Variants in NUDT12 observed in about 807,000 individuals in gnomAD.
NUDT12 encodes the protein NAD-capped RNA hydrolase NUDT12.
Under a neutral mutation model 45.7 loss-of-function variants are expected in NUDT12, and 42 were observed. That is an observed-to-expected ratio of 0.92 (90% CI 0.72 to 1.19). NUDT12 has a LOEUF of 1.19. NUDT12 is among the 50% of genes most tolerant of loss of function. The pLI, the probability that NUDT12 is intolerant of heterozygous loss-of-function variation, is 0.00. For missense variants in NUDT12, 590 were observed against 533.1 expected, an observed-to-expected ratio of 1.11 and a Z score of -1.05; for synonymous variants, 206 against 179.7, an observed-to-expected ratio of 1.15 and a Z score of -1.17.
In NUDT12 at chr5:103,562,245, G is replaced by A. The variant is rs555639295; in HGVS notation, c.-7+458C>T. ...CCGCATGCTCACACAGACCGAATGG[G>A]ACAGGACAGGACCTTAAATATCGCT... On this transcript the variant is annotated intron_variant, in intron 1 of 6. Transcript: ENST00000230792. Among the ~76,000 whole-genome samples, 6 of 152,126 alleles carry A rather than the reference G, an allele frequency of 3.9e-5. No individual in the cohort carries two copies. The South Asian group carries it at 6.2e-4, about 16-fold the overall frequency.
At chr5:103,561,592 C>CAT (rs1749034413) in intron 1 of NUDT12, among the ~76,000 whole-genome samples, 1 of 152,154 alleles carries the variant, frequency 6.6e-6, no homozygotes, top group Non-Finnish European at 1.5e-5. Flanking sequence ...TTTCTACATA[C>CAT]GTTAAAAATA....
Position 103,555,944 on chromosome 5 carries a change from T to G in NUDT12, c.951A>C (p.Ser317=). ...TAAAGGGCTTACCAACTCTTGGGTA[T>G]GAGGTATTATGGACGCCATTGAGAC... ...CPSLNGVHNT[S]YPRVDPVVIM... is the part of the protein sequence containing the mutation. The change falls in exon 4 of 7, where the codon TCA becomes TCC. Residue 317 remains serine (S), a synonymous_variant. Coordinates refer to ENST00000230792, the MANE Select transcript of NUDT12 (RefSeq NM_031438.4). 2 of 1,583,704 alleles carry G rather than the reference T, an allele frequency of 1.3e-6. No homozygotes were observed. Among genetic ancestry groups the G allele is most frequent in the Non-Finnish European group, 1.7e-6 (2 of 1,165,198 alleles).
rs779297286 is a variant in NUDT12 at position 103,552,356 on chromosome 5, C to A, written c.1139G>T (p.Gly380Val). Residue 380 changes from glycine (G) to valine (V), a missense_variant, in exon 6 of 7, where the codon GGC becomes GTC. By Grantham distance (109) the Gly-to-Val change is moderately radical. Transcript: ENST00000230792. ...EVEEESGVKV[G>V]HVQYVACQPW... ...TTGACAAGCAACATACTGAACATGG[C>A]CAACTTTGACTCCACTTTCCTCTTC... 62 of 1,613,812 alleles carry A rather than the reference C, an allele frequency of 3.8e-5. No homozygotes were observed. Among genetic ancestry groups the A allele is most frequent in the Non-Finnish European group, 5.1e-5 (60 of 1,179,930 alleles).
chr5:103,560,084 C>G lies in NUDT12; in HGVS notation c.165G>C (p.Arg55Ser). 1.2e-6 allele frequency: 2 copies of G among 1,613,952 alleles called. No individual in the cohort carries two copies. Among genetic ancestry groups the G allele is most frequent in the Non-Finnish European group, 1.7e-6 (2 of 1,179,880 alleles). ...ATTGGACTATCTCTGGGTGCCCATTCCTTGCCGCATACATTAAAGCAGTCC... is the reference window on the plus strand; with the variant it reads ...ATTGGACTATCTCTGGGTGCCCATTGCTTGCCGCATACATTAAAGCAGTCC... ...NGWTALMYAA[R>S]NGHPEIVQFL... The change falls in exon 2 of 7, where the codon AGG becomes AGC. Residue 55 changes from arginine to serine, a missense_variant. Transcript: ENST00000230792.
intron 3 of NUDT12, among the ~76,000 whole-genome samples, chr5:103,557,283 A>ATATATATATATATATATT (rs1748854507): frequency 9.2e-6 from 1 of 108,266 alleles, no homozygotes; most frequent in African/African-American, 4.0e-5. Flanking sequence ...TTAAAATGAT[A>ATATATATATATATATATT]TATATATATA....
intron 1 of NUDT12, among the ~76,000 whole-genome samples, chr5:103,562,285 A>G (rs935499653): frequency 2.0e-5 from 3 of 152,162 alleles, no homozygotes; most frequent in Admixed American, 2.0e-4. Flanking sequence ...CACTGAAATC[A>G]CTGACCATCA....
chr5:103,550,864 G>C lies in NUDT12; in HGVS notation c.1386C>G (p.Leu462=). 1 of 1,597,238 alleles carries C rather than the reference G, an allele frequency of 6.3e-7. No individual in the cohort carries two copies. Among genetic ancestry groups the C allele is most frequent in the Non-Finnish European group, 8.6e-7 (1 of 1,164,978 alleles). ...IKHWIRINPN[L] ...ACTCAAAGCTTAGTTCTTAGATTTA[G>C]AGATTAGGATTTATTCTAATCCAGT... The change falls in exon 7 of 7, where the codon CTC becomes CTG. Residue 462 remains leucine, a synonymous_variant. Transcript: ENST00000230792.
rs759027029 is a variant in NUDT12, at chr5:103,554,720, A to G, written c.1078+20T>C. On this transcript the variant is annotated intron_variant, in intron 5 of 6. Transcript: ENST00000230792. Reference sequence around the variant, plus strand: ...TTTTAAAATTATAAATTAAATATAAATTATTAAGAAATGGCTTACCAGGCT... The same window carrying G: ...TTTTAAAATTATAAATTAAATATAAGTTATTAAGAAATGGCTTACCAGGCT... 4.2e-5 allele frequency: 39 copies of G among 920,392 alleles called. No individual in the cohort carries two copies. In the Admixed American group the frequency reaches 4.5e-4, roughly 11 times the overall value. 57.0% of individuals were successfully genotyped at this position (920,392 alleles called of 1,614,324 possible). A position where few individuals can be genotyped will look rare whatever the true frequency, so the allele number is the denominator to read the frequency against.
In NUDT12 at chr5:103,549,381, G is replaced by C. The variant is rs535283113; in HGVS notation, c.*1480C>G. On this transcript the variant is annotated 3_prime_UTR_variant, in exon 7 of 7. Coordinates refer to ENST00000230792, the MANE Select transcript of NUDT12 (RefSeq NM_031438.4). ...TAGTAAAATAAAGTTTTATCTGACA[G>C]TTATCTTTTATTTAAGTTAAATAAA... is the stretch of plus-strand genomic sequence containing the variant. 9 of 151,790 alleles carry C rather than the reference G, an allele frequency of 5.9e-5. No homozygotes were observed. The highest frequency in any genetic ancestry group is 1.3e-4 in the Non-Finnish European group (9 of 67,828). 9.4% of individuals were successfully genotyped at this position (151,790 alleles called of 1,614,324 possible).
Position 103,559,464 on chromosome 5 carries a change from C to T in NUDT12, c.211G>A (p.Asp71Asn), listed in dbSNP as rs774182071. Residue 71 changes from aspartate to asparagine, a missense_variant, in exon 3 of 7, where the codon GAC becomes AAC. By Grantham distance (23) the Asp-to-Asn change is conservative (BLOSUM62 1). Coordinates refer to ENST00000230792, the MANE Select transcript of NUDT12 (RefSeq NM_031438.4). ...CTTGATTTATTGACAATTGATCTGT[C>T]ACACCTATAGATGGAAGAAAAAATT... ...IVQFLLEKGCDRSIVNKSRQT... is the reference protein window; with the variant it reads ...IVQFLLEKGCNRSIVNKSRQT... 6 of 1,484,282 alleles carry T rather than the reference C, an allele frequency of 4.0e-6. No homozygotes were observed. Among genetic ancestry groups the T allele is most frequent in the East Asian group, 4.9e-5 (2 of 40,688 alleles). 91.9% of individuals were successfully genotyped at this position (1,484,282 alleles called of 1,614,324 possible). A position where few individuals can be genotyped will look rare whatever the true frequency, so the allele number is the denominator to read the frequency against.
chr5:103,559,734 T>C (rs1748970861), intron 2 of NUDT12: 3 of 484,868 alleles, frequency 6.2e-6, no homozygotes, highest in Middle Eastern at 5.3e-4. Flanking sequence ...TTATGCACTA[T>C]AAAGAGATAC....
chr5:103,562,073 G>A (rs534172300), intron 1 of NUDT12, among the ~76,000 whole-genome samples: 4 of 152,278 alleles, frequency 2.6e-5, no homozygotes, highest in Non-Finnish European at 5.9e-5. Flanking sequence ...AAGATTTGAA[G>A]GCAGAATAAA....
chr5:103,551,639 GAATAAAATTAATTTT>G (rs1340021508), intron 6 of NUDT12, among the ~76,000 whole-genome samples: 1 of 151,992 alleles, frequency 6.6e-6, no homozygotes, highest in African/African-American at 2.4e-5. Context: ...ATTAAGCATA[GAATAAAATTAATTTT>G]ATGCAGGCAA....
Position 103,552,240 on chromosome 5 carries a change from C to T in NUDT12, c.1255G>A (p.Ala419Thr). ...ACCTGTTCTCTAGTGAACCAGCGGG[C>T]ATCCTCTATTTCATTCTTGTCAACT... Reference protein sequence around the residue: ...IKVDKNEIEDARWFTREQVLD... With the variant: ...IKVDKNEIEDTRWFTREQVLD... Residue 419 changes from alanine to threonine, a missense_variant, in exon 6 of 7, where the codon GCC becomes ACC. Physicochemically the swap from Ala to Thr is moderately conservative, Grantham distance 58 (BLOSUM62 0). Coordinates refer to ENST00000230792, the MANE Select transcript of NUDT12 (RefSeq NM_031438.4). 1 of 1,613,454 alleles carries T rather than the reference C, an allele frequency of 6.2e-7. No individual in the cohort carries two copies. The highest frequency in any genetic ancestry group is 1.3e-5 in the African/African-American group (1 of 75,038).
At chr5:103,551,562 G>C (rs899168720) in intron 6 of NUDT12, among the ~76,000 whole-genome samples, 2 of 152,148 alleles carry the variant, frequency 1.3e-5, no homozygotes, top group Non-Finnish European at 2.9e-5. Context: ...TCTAAGCAAA[G>C]CCAACTTTTG....
At position 103,559,123 on chromosome 5, in the gene NUDT12, T is replaced by G; in HGVS notation, c.552A>C (p.Ile184=). 6.2e-7 allele frequency: 1 copy of G among 1,600,720 alleles called. No individual in the cohort carries two copies. The highest frequency in any genetic ancestry group is 8.5e-7 in the Non-Finnish European group (1 of 1,174,502). The change falls in exon 3 of 7, where the codon ATA becomes ATC. Residue 184 remains isoleucine (I), a synonymous_variant. Coordinates refer to ENST00000230792, the MANE Select transcript of NUDT12 (RefSeq NM_031438.4). Reference sequence around the variant, plus strand: ...TCTCAGGCTGGGCCAAATAATCCTTTATATCTGTGTAGTTCAGCTGACAAA... The same window carrying G: ...TCTCAGGCTGGGCCAAATAATCCTTGATATCTGTGTAGTTCAGCTGACAAA... ...VRLCQLNYTD[I]KDYLAQPEKI... is the part of the protein sequence containing the mutation.
In NUDT12 at chr5:103,556,097, C is replaced by A; in HGVS notation, c.798G>T (p.Gly266=). ...ALLQLKEKEA[G]VVAQARSVLA... ...GAACAGATCTTGCTTGAGCTACAAC[C>A]CCTTCAAAAAAAAGAAAAGCACAAA... Residue 266 remains glycine (G), a splice_region_variant and synonymous_variant, in exon 4 of 7, where the codon GGG becomes GGT. Coordinates refer to ENST00000230792, the MANE Select transcript of NUDT12 (RefSeq NM_031438.4). 1 of 1,560,118 alleles carries A rather than the reference C, an allele frequency of 6.4e-7. No individual in the cohort carries two copies. Among genetic ancestry groups the A allele is most frequent in the Non-Finnish European group, 8.6e-7 (1 of 1,160,018 alleles).
chr5:103,557,859 GATTTAAGT>G (rs1398847084), intron 3 of NUDT12, among the ~76,000 whole-genome samples: 2 of 151,662 alleles, frequency 1.3e-5, no homozygotes, highest in East Asian at 3.9e-4. Flanking sequence ...AGTTTTTTGG[GATTTAAGT>G]ATCTGTGTGT....
rs1285494623 is a variant in NUDT12 at position 103,549,596 on chromosome 5, AT to A, written c.*1264del. The A allele has an allele frequency of 6.6e-6, 1 of 151,984 alleles. No individual in the cohort carries two copies. The highest frequency in any genetic ancestry group is 2.4e-5 in the African/African-American group (1 of 41,434). The allele number at this position is 151,984 out of a possible 1,614,324, so 9.4% of individuals were successfully genotyped here. A position where few individuals can be genotyped will look rare whatever the true frequency, so the allele number is the denominator to read the frequency against. ...TATGTAACTTTCACTAATTAGGTAA[AT>A]TCACCTTTCACAATTTCTTTTTCCT... On this transcript the variant is annotated 3_prime_UTR_variant, in exon 7 of 7. Transcript: ENST00000230792.
Sources: allele counts gnomAD v4.1 joint callset (sites outside exome capture counted in the v4.1 genomes callset), GRCh38; gene constraint gnomAD v4.1.1; transcripts MANE v1.5; gene names NCBI Gene and HGNC (gene_info 2026-07-23, HGNC 2026-07-21).